NELL1: variants seen among roughly 807,000 people sequenced by gnomAD.
NELL1 encodes neural EGFL like 1, also known as protein kinase C-binding protein NELL1.
Under a neutral mutation model 107.4 loss-of-function variants are expected in NELL1, and 76 were observed. The ratio of observed to expected loss-of-function variants is 0.71; its 90% CI spans 0.59 to 0.86. The LOEUF is 0.86. Among genes scored for constraint, NELL1 ranks in the 40% least tolerant of loss-of-function variants. NELL1 has a pLI of 0.00. For missense variants in NELL1, 1,024 were observed against 1,005.5 expected (o/e 1.02, Z -0.25); for synonymous variants, 353 against 341.2 (o/e 1.03, Z -0.38).
At chr11:21,253,427 C>T (rs184309191) in intron 14 of NELL1, among the ~76,000 whole-genome samples, 95 of 152,078 alleles carry the variant, frequency 6.2e-4, no homozygotes, top group African/African-American at 2.2e-3. Flanking sequence ...CTAAGAATAA[C>T]CCTTTAGGTA....
chr11:21,107,768 G>T (rs1855005215), intron 12 of NELL1, among the ~76,000 whole-genome samples: 1 of 152,194 alleles, frequency 6.6e-6, no homozygotes, highest in Admixed American at 6.5e-5. Flanking sequence ...AACTTTAGAA[G>T]TGATGGTTGG....
chr11:21,337,723 TTTTC>T (rs1279685601), intron 14 of NELL1, among the ~76,000 whole-genome samples: 54 of 151,280 alleles, frequency 3.6e-4, no homozygotes, highest in Non-Finnish European at 4.9e-4. Context: ...CTTTTCATTC[TTTTC>T]TTTCTTTCCT....
intron 14 of NELL1, among the ~76,000 whole-genome samples, chr11:21,338,036 G>A (rs1850476428): frequency 6.6e-6 from 1 of 151,804 alleles, no homozygotes; most frequent in South Asian, 2.1e-4. Flanking sequence ...CCCTAGTCCT[G>A]CTATTCTGTG....
intron 2 of NELL1, among the ~76,000 whole-genome samples, chr11:20,713,576 C>G (rs1023900851): frequency 4.6e-5 from 7 of 152,130 alleles, no homozygotes; most frequent in Non-Finnish European, 1.0e-4. Context: ...GAAAACATGG[C>G]TTTCAGGCCT....
intron 13 of NELL1, among the ~76,000 whole-genome samples, chr11:21,226,672 C>A (rs964713600): frequency 6.6e-6 from 1 of 152,102 alleles, no homozygotes; most frequent in Non-Finnish European, 1.5e-5. Context: ...TCCTCAAAGT[C>A]AATTATGGCA....
intron 12 of NELL1, among the ~76,000 whole-genome samples, chr11:21,111,892 G>A (rs985572913): frequency 2.6e-5 from 4 of 152,150 alleles, no homozygotes; most frequent in Non-Finnish European, 5.9e-5. Flanking sequence ...CCTCTCACTT[G>A]TTATGCCTAT....
chr11:21,241,252 T>C (rs114249552), intron 14 of NELL1, among the ~76,000 whole-genome samples: 239 of 152,240 alleles, frequency 1.6e-3, no homozygotes, highest in African/African-American at 5.3e-3. Flanking sequence ...CTGTTTTGGG[T>C]AGCAGTTATT....
At chr11:20,725,106 G>A (rs1855479818) in intron 2 of NELL1, among the ~76,000 whole-genome samples, 1 of 152,180 alleles carries the variant, frequency 6.6e-6, no homozygotes, top group African/African-American at 2.4e-5. Flanking sequence ...TTTGAGATGA[G>A]ATTTGGGTGG....
intron 2 of NELL1, among the ~76,000 whole-genome samples, chr11:20,762,276 A>G (rs1856437808): frequency 6.6e-6 from 1 of 152,292 alleles, no homozygotes; most frequent in South Asian, 2.1e-4. Context: ...GAGATGAGAG[A>G]ACACACGTGG....
intron 15 of NELL1, among the ~76,000 whole-genome samples, chr11:21,442,673 A>G (rs1233908888): frequency 2.0e-5 from 3 of 152,170 alleles, no homozygotes; most frequent in African/African-American, 7.2e-5. Context: ...CTGTAGATGC[A>G]GCTCACATTT....
chr11:21,176,517 C>T (rs1462298306), intron 13 of NELL1, among the ~76,000 whole-genome samples: 1 of 151,806 alleles, frequency 6.6e-6, no homozygotes, highest in Non-Finnish European at 1.5e-5. Context: ...CCTACTAAGG[C>T]CATACTGGCA....
At chr11:21,147,015 G>T (rs1010907648) in intron 13 of NELL1, among the ~76,000 whole-genome samples, 3 of 152,208 alleles carry the variant, frequency 2.0e-5, no homozygotes, top group African/African-American at 4.8e-5. Context: ...CTGCGCTCCA[G>T]CGTGGGTGAC....
At chr11:20,769,874 G>GGT (rs1200916243) in intron 2 of NELL1, among the ~76,000 whole-genome samples, 5 of 152,100 alleles carry the variant, frequency 3.3e-5, no homozygotes, top group African/African-American at 1.2e-4. Context: ...AACTACTCTT[G>GGT]GTATGGGTGG....
At chr11:21,440,524 C>G (rs1223993412) in intron 15 of NELL1, among the ~76,000 whole-genome samples, 1 of 151,934 alleles carries the variant, frequency 6.6e-6, no homozygotes, top group African/African-American at 2.4e-5. Context: ...TCACTATATC[C>G]AAGAAAGAAA....
chr11:20,974,869 T>G (rs1851573063), intron 12 of NELL1, among the ~76,000 whole-genome samples: 1 of 152,224 alleles, frequency 6.6e-6, no homozygotes, highest in South Asian at 2.1e-4. Flanking sequence ...TTTAATACTT[T>G]CTACAACCTG....
At chr11:20,888,482 G>A (rs1209801381) in intron 5 of NELL1, among the ~76,000 whole-genome samples, 1 of 151,068 alleles carries the variant, frequency 6.6e-6, no homozygotes, top group African/African-American at 2.4e-5. Context: ...AATATATTAT[G>A]TCTATATATG....
intron 15 of NELL1, among the ~76,000 whole-genome samples, chr11:21,396,258 C>T (rs1851978064): frequency 6.6e-6 from 1 of 151,532 alleles, no homozygotes; most frequent in South Asian, 2.1e-4. Flanking sequence ...TCTAATTTTC[C>T]AGTGCCAGCA....
chr11:21,527,207 A>T (rs1285717389), intron 15 of NELL1, among the ~76,000 whole-genome samples: 2 of 152,138 alleles, frequency 1.3e-5, no homozygotes, highest in Non-Finnish European at 1.5e-5. Context: ...CCTTTAATCC[A>T]GTTCCCAAAA....
intron 2 of NELL1, among the ~76,000 whole-genome samples, chr11:20,687,295 T>C (rs1370046821): frequency 6.6e-6 from 1 of 152,080 alleles, no homozygotes; most frequent in Admixed American, 6.6e-5. Context: ...CAGATATTAA[T>C]GTAGATGAGT....
Sources: allele counts gnomAD v4.1 joint callset (sites outside exome capture counted in the v4.1 genomes callset), GRCh38; gene constraint gnomAD v4.1.1; transcripts MANE v1.5; gene names NCBI Gene and HGNC (gene_info 2026-07-23, HGNC 2026-07-21).